The following MSRB3 variants were observed in gnomAD, a reference collection of about 807,000 sequenced individuals.
MSRB3 encodes methionine sulfoxide reductase B3.
A neutral mutation model predicts 21.0 loss-of-function variants in MSRB3; 13 were observed. The ratio of observed to expected loss-of-function variants is 0.62; its 90% confidence interval spans 0.40 to 0.98. MSRB3 has a LOEUF of 0.98. MSRB3 is among the 50% of genes least tolerant of loss of function. MSRB3 has a pLI of 0.00. For missense variants in MSRB3, 199 were observed against 230.3 expected (o/e 0.86, Z 0.88); for synonymous variants, 87 against 88.6 (o/e 0.98, Z 0.10).
intron 5 of MSRB3, chr12:65,419,773 TCTC>T (rs1460059450): frequency 8.5e-6 from 9 of 1,064,518 alleles, no homozygotes; most frequent in African/African-American, 7.9e-5. Flanking sequence ...CTTTGCATGG[TCTC>T]CTTCTCATTC....
At chr12:65,410,500 T>C (rs1269187438) in intron 5 of MSRB3, among the ~76,000 whole-genome samples, 2 of 151,974 alleles carry the variant, frequency 1.3e-5, no homozygotes, top group Non-Finnish European at 2.9e-5. Context: ...AAAAATTAGC[T>C]GAGTGTCGTG....
intron 5 of MSRB3, among the ~76,000 whole-genome samples, chr12:65,400,225 C>T (rs1010934074): frequency 1.3e-5 from 2 of 149,982 alleles, no homozygotes; most frequent in Non-Finnish European, 3.0e-5. Context: ...GTGAATCCAT[C>T]TGGTCCTGGG....
chr12:65,317,071 G>A (rs1011929561), intron 2 of MSRB3, among the ~76,000 whole-genome samples: 2 of 152,138 alleles, frequency 1.3e-5, no homozygotes, highest in South Asian at 4.1e-4. Flanking sequence ...GAAGGCTGCA[G>A]ACAAGAGAAC....
At chr12:65,363,367 G>A (rs1404049749) in intron 4 of MSRB3, among the ~76,000 whole-genome samples, 1 of 152,096 alleles carries the variant, frequency 6.6e-6, no homozygotes. Flanking sequence ...TCTCTGCAAG[G>A]ATAAAATGGT....
chr12:65,279,509 G>C (rs1438884856), intron 1 of MSRB3: 1 of 152,198 alleles, frequency 6.6e-6, no homozygotes, highest in Non-Finnish European at 1.5e-5. Context: ...AGAACCCCGA[G>C]TTTGCCAGGT....
intron 4 of MSRB3, among the ~76,000 whole-genome samples, chr12:65,346,574 A>G (rs1447771906): frequency 6.6e-6 from 1 of 151,974 alleles, no homozygotes; most frequent in African/African-American, 2.4e-5. Flanking sequence ...TGCTGTGCAG[A>G]AGCTCTTTAG....
chr12:65,316,539 A>G (rs539063064), intron 2 of MSRB3, among the ~76,000 whole-genome samples: 2 of 152,274 alleles, frequency 1.3e-5, no homozygotes, highest in South Asian at 2.1e-4. Context: ...AGTTGTGTCT[A>G]TCACATAATA....
In MSRB3 at chr12:65,352,730, T is replaced by C. The variant is rs538962315; in HGVS notation, c.264-16268T>C. The stretch of plus-strand genomic sequence containing the variant: ...CCATTCACAATTGCTTCAAAGAGAA[T>C]AAAATACCTAGGAATCCAACTTACA... On this transcript the variant is annotated intron_variant, in intron 4 of 6. Coordinates refer to ENST00000308259, the MANE Select transcript of MSRB3 (RefSeq NM_001031679.3). Among the ~76,000 whole-genome samples, 107 of 150,444 alleles carry C rather than the reference T, an allele frequency of 7.1e-4. 2 individuals are homozygous for C. The highest frequency in any genetic ancestry group is 2.5e-3 in the African/African-American group (101 of 40,958).
intron 1 of MSRB3, 156 bp downstream of exon 1, chr12:65,279,021 G>C: frequency 6.9e-7 from 1 of 1,446,288 alleles, no homozygotes; most frequent in Non-Finnish European, 9.1e-7. Flanking sequence ...CCGAGAAGGG[G>C]AGCAGAAGGG....
At chr12:65,314,622 G>T (rs1422343727) in intron 2 of MSRB3, among the ~76,000 whole-genome samples, 5 of 152,066 alleles carry the variant, frequency 3.3e-5, no homozygotes, top group Admixed American at 1.3e-4. Flanking sequence ...GTATGAATAA[G>T]ATGTTGGGCA....
intron 5 of MSRB3, among the ~76,000 whole-genome samples, chr12:65,439,888 G>A (rs1882291829): frequency 6.6e-6 from 1 of 151,552 alleles, no homozygotes; most frequent in South Asian, 2.1e-4. Context: ...AAAAAACCTA[G>A]AGCAGAAATA....
chr12:65,339,392 A>G (rs934477207), intron 4 of MSRB3, among the ~76,000 whole-genome samples: 1 of 152,212 alleles, frequency 6.6e-6, no homozygotes, highest in Middle Eastern at 3.2e-3. Context: ...TAGACAACCA[A>G]CAGAATGGTA....
At chr12:65,455,720 T>C (rs2136706559) in intron 6 of MSRB3, among the ~76,000 whole-genome samples, 1 of 152,230 alleles carries the variant, frequency 6.6e-6, no homozygotes, top group South Asian at 2.1e-4. Context: ...AGCAGTTGGC[T>C]TAATGCGATA....
chr12:65,456,172 A>G (rs1883082885), intron 6 of MSRB3, among the ~76,000 whole-genome samples: 1 of 152,220 alleles, frequency 6.6e-6, no homozygotes, highest in Non-Finnish European at 1.5e-5. Context: ...TTTTAAGACT[A>G]ATCGTTGTTT....
intron 4 of MSRB3, among the ~76,000 whole-genome samples, chr12:65,340,761 GAT>G (rs1298664667): frequency 1.3e-5 from 2 of 151,872 alleles, no homozygotes; most frequent in African/African-American, 4.8e-5. Flanking sequence ...AAACCACAGA[GAT>G]GGAAAAAACT....
At chr12:65,404,217 A>T (rs1255890327) in intron 5 of MSRB3, among the ~76,000 whole-genome samples, 1 of 152,238 alleles carries the variant, frequency 6.6e-6, no homozygotes, top group African/African-American at 2.4e-5. Flanking sequence ...CTGGGACTAT[A>T]GGTGTGCCAC....
At chr12:65,377,222 C>T (rs930132714) in intron 5 of MSRB3, among the ~76,000 whole-genome samples, 1 of 151,826 alleles carries the variant, frequency 6.6e-6, no homozygotes. Flanking sequence ...TCTCTCTCTC[C>T]AAGTCTGTGA....
At chr12:65,327,074 T>C (rs1875096089) in intron 3 of MSRB3, 140 bp downstream of exon 3, 8 of 697,126 alleles carry the variant, frequency 1.1e-5, no homozygotes, top group Non-Finnish European at 1.8e-5. Context: ...CTTGAAAAGG[T>C]TAAAATGGTG....
At chr12:65,279,990 A>G (rs1871914819) in intron 1 of MSRB3, among the ~76,000 whole-genome samples, 1 of 152,056 alleles carries the variant, frequency 6.6e-6, no homozygotes, top group African/African-American at 2.4e-5. Context: ...GCAAACTAGG[A>G]CTCATAAATT....
Sources: gnomAD v4.1 joint callset for allele counts (sites outside exome capture counted in the v4.1 genomes callset) on GRCh38, gnomAD v4.1.1 for gene constraint, MANE v1.5 for transcripts, NCBI Gene and HGNC (gene_info 2026-07-23, HGNC 2026-07-21) for gene names.